LINGO2: variants seen among roughly 807,000 people sequenced by gnomAD.
LINGO2 encodes the protein leucine rich repeat and Ig domain containing 2, also known as leucine-rich repeat and immunoglobulin-like domain-containing nogo receptor-interacting protein 2.
LINGO2 carries 14 observed loss-of-function variants against 30.6 expected under a neutral mutation model. That is an observed-to-expected ratio of 0.46 (90% confidence interval 0.30 to 0.72). The LOEUF (loss-of-function observed/expected upper bound fraction) is 0.72. Among genes scored for constraint, LINGO2 ranks in the 30% least tolerant of loss-of-function variants. LINGO2 has a pLI of 0.07. For synonymous variants in LINGO2, 317 were observed against 288.5 expected, an observed-to-expected ratio of 1.10 and a Z score of -1.00; for missense variants, 729 against 751.7, an observed-to-expected ratio of 0.97 and a Z score of 0.35.
At chr9:27,963,807 T>A (rs1001032257) in intron 5 of LINGO2, among the ~76,000 whole-genome samples, 1 of 151,558 alleles carries the variant, frequency 6.6e-6, no homozygotes, top group Admixed American at 6.6e-5. Context: ...GAGGCTATAA[T>A]TTCCAGATAT....
At chr9:29,083,887 C>A in the LINGO2 span, among the ~76,000 whole-genome samples, 6 of 152,038 alleles carry the variant, frequency 3.9e-5, no homozygotes, top group Admixed American at 3.9e-4. Context: ...AATATTAACT[C>A]ATTTTAGGAA....
At chr9:29,062,821 T>C in the LINGO2 span, among the ~76,000 whole-genome samples, 3 of 152,170 alleles carry the variant, frequency 2.0e-5, no homozygotes, top group Non-Finnish European at 4.4e-5. Context: ...TGATTACATA[T>C]GTCACATCCT....
intron 4 of LINGO2, among the ~76,000 whole-genome samples, chr9:28,237,747 C>T (rs540286968): frequency 9.4e-4 from 143 of 152,014 alleles, no homozygotes; most frequent in Non-Finnish European, 1.6e-3. Context: ...CCCAGCTACT[C>T]GGGAGGTTGA....
At chr9:28,807,890 T>G in the LINGO2 span, among the ~76,000 whole-genome samples, 16 of 152,154 alleles carry the variant, frequency 1.1e-4, no homozygotes, top group East Asian at 2.9e-3. Flanking sequence ...TAACAAATAG[T>G]AAGACCTCAG....
rs80018789 is a variant in LINGO2, at chr9:28,323,065, G to T, written c.-245-27699C>A. ...GGAATCACATGTTTAGATATTGATG[G>T]TCTCCAGTGTGTTAAAATCTGGTGT... On this transcript the variant is annotated intron_variant, in intron 3 of 5. Transcript: ENST00000379992. Among the ~76,000 whole-genome samples the T allele has an allele frequency of 3.3e-3, 503 of 152,228 alleles. 4 individuals carry two copies. Among genetic ancestry groups the T allele is most frequent in the African/African-American group, 0.011 (470 of 41,532 alleles).
chr9:28,914,194 A>G, the LINGO2 span, among the ~76,000 whole-genome samples: 2 of 152,182 alleles, frequency 1.3e-5, no homozygotes, highest in East Asian at 1.9e-4. Context: ...ATCTAAATAC[A>G]TTTGTGTATA....
the LINGO2 span, among the ~76,000 whole-genome samples, chr9:29,154,657 TTAGTAAA>T: frequency 5.3e-5 from 8 of 152,174 alleles, no homozygotes; most frequent in Non-Finnish European, 1.0e-4. Flanking sequence ...ATCAACTTTG[TTAGTAAA>T]TATTTTATAA....
At chr9:28,138,152 G>C (rs1353882338) in intron 4 of LINGO2, among the ~76,000 whole-genome samples, 2 of 152,158 alleles carry the variant, frequency 1.3e-5, no homozygotes, top group Non-Finnish European at 2.9e-5. Flanking sequence ...GCCAAGGTTT[G>C]AGCCAAGGTT....
chr9:28,617,649 A>ACATATGT (rs1419848642), intron 1 of LINGO2, among the ~76,000 whole-genome samples: 1 of 152,160 alleles, frequency 6.6e-6, no homozygotes, highest in Non-Finnish European at 1.5e-5. Context: ...GAGACTACTT[A>ACATATGT]CATATGTTCT....
chr9:28,764,555 G>T, the LINGO2 span, among the ~76,000 whole-genome samples: 8 of 151,894 alleles, frequency 5.3e-5, no homozygotes, highest in African/African-American at 1.9e-4. Flanking sequence ...ATAATCAACA[G>T]GAAAAACCTG....
the LINGO2 span, among the ~76,000 whole-genome samples, chr9:29,211,876 C>T: frequency 2.0e-5 from 3 of 152,254 alleles, no homozygotes; most frequent in African/African-American, 7.2e-5. Flanking sequence ...TCCCTTAAAG[C>T]AGCCAAATAT....
the LINGO2 span, among the ~76,000 whole-genome samples, chr9:28,720,074 T>A: frequency 6.6e-6 from 1 of 152,030 alleles, no homozygotes; most frequent in Non-Finnish European, 1.5e-5. Flanking sequence ...GCTGAAGTTA[T>A]TTTCTTCAAA....
At chr9:28,062,077 C>G (rs889321579) in intron 4 of LINGO2, among the ~76,000 whole-genome samples, 7 of 151,984 alleles carry the variant, frequency 4.6e-5, no homozygotes, top group African/African-American at 1.7e-4. Flanking sequence ...GAGGGACAAG[C>G]CTGATTAGGT....
At chr9:28,848,383 GTGTGTGTGTGTGTGTATATATA>G in the LINGO2 span, among the ~76,000 whole-genome samples, 1 of 56,552 alleles carries the variant, frequency 1.8e-5, no homozygotes, top group African/African-American at 5.1e-5. Flanking sequence ...GTGTGTGTGT[GTGTGTGTGTGTGTGTATATATA>G]TATATATATA....
chr9:28,579,073 T>G (rs1824134188), intron 1 of LINGO2, among the ~76,000 whole-genome samples: 1 of 150,218 alleles, frequency 6.7e-6, no homozygotes, highest in South Asian at 2.1e-4. Context: ...TTTTTTTTTG[T>G]TTCTACAGCT....
intron 4 of LINGO2, among the ~76,000 whole-genome samples, chr9:28,190,346 G>T (rs991344040): frequency 6.6e-6 from 1 of 152,054 alleles, no homozygotes; most frequent in African/African-American, 2.4e-5. Context: ...AAAAAATACT[G>T]CATCAAAAGA....
chr9:28,476,710 C>G (rs759254282), intron 1 of LINGO2, among the ~76,000 whole-genome samples: 1 of 151,892 alleles, frequency 6.6e-6, no homozygotes, highest in Admixed American at 6.5e-5. Context: ...GAAAACAGAC[C>G]GGAAGGAGAC....
chr9:28,583,741 A>G (rs1434338750), intron 1 of LINGO2, among the ~76,000 whole-genome samples: 3 of 152,228 alleles, frequency 2.0e-5, no homozygotes, highest in Admixed American at 2.0e-4. Flanking sequence ...TGTTCTGCCC[A>G]TATTCTACAT....
At chr9:28,317,564 G>T (rs1210391016) in intron 3 of LINGO2, among the ~76,000 whole-genome samples, 3 of 151,828 alleles carry the variant, frequency 2.0e-5, no homozygotes, top group South Asian at 2.1e-4. Context: ...GGCCATGAGG[G>T]TTCTATGGAT....
Sources: allele counts gnomAD v4.1 joint callset (sites outside exome capture counted in the v4.1 genomes callset), GRCh38; gene constraint gnomAD v4.1.1; transcripts MANE v1.5; gene names NCBI Gene and HGNC (gene_info 2026-07-23, HGNC 2026-07-21).